Variants in CPS1 observed in about 807,000 individuals in gnomAD.
CPS1 encodes carbamoyl-phosphate synthase [ammonia], mitochondrial.
CPS1 carries 109 observed loss-of-function variants against 174.6 expected under a neutral mutation model. That is an observed-to-expected ratio of 0.62 (90% confidence interval 0.53 to 0.73). The LOEUF (loss-of-function observed/expected upper bound fraction) is 0.73, where lower values mean the gene tolerates loss of function less well. Among genes scored for constraint, CPS1 ranks in the 30% least tolerant of loss-of-function variants. The pLI, the probability that CPS1 is intolerant of heterozygous loss-of-function variation, is 0.00. For synonymous variants in CPS1, 637 were observed against 632.0 expected (o/e 1.01, Z -0.12); for missense variants, 1,689 against 1,821.9 (o/e 0.93, Z 1.33).
intron 1 of CPS1, among the ~76,000 whole-genome samples, chr2:210,515,082 G>T (rs192357289): frequency 8.0e-4 from 121 of 151,754 alleles, no homozygotes; most frequent in African/African-American, 2.6e-3. Context: ...TCAATATGCT[G>T]TTGAATTTGA....
intron 1 of CPS1, among the ~76,000 whole-genome samples, chr2:210,572,598 G>A (rs867096453): frequency 1.4e-4 from 22 of 151,922 alleles, no homozygotes; most frequent in African/African-American, 4.8e-4. Flanking sequence ...AGATTATTAT[G>A]GCAAAGTTAT....
chr2:210,641,372 T>C (rs1700218654), intron 24 of CPS1, among the ~76,000 whole-genome samples: 2 of 152,096 alleles, frequency 1.3e-5, no homozygotes, highest in Admixed American at 1.3e-4. Context: ...GCGATCCTCC[T>C]GCCTCAGCCT....
intron 1 of CPS1, among the ~76,000 whole-genome samples, chr2:210,570,941 A>G (rs1221218865): frequency 4.6e-5 from 7 of 151,878 alleles, no homozygotes; most frequent in Non-Finnish European, 1.0e-4. Flanking sequence ...GAATACTATC[A>G]CTCTTACTTT....
intron 1 of CPS1, among the ~76,000 whole-genome samples, chr2:210,562,973 A>C (rs917493900): frequency 6.6e-6 from 1 of 152,184 alleles, no homozygotes; most frequent in Admixed American, 6.5e-5. Flanking sequence ...AGGAGAAGAA[A>C]CATTTCTGTT....
intron 31 of CPS1, among the ~76,000 whole-genome samples, chr2:210,659,689 A>C (rs1700851702): frequency 6.6e-6 from 1 of 152,256 alleles, no homozygotes; most frequent in African/African-American, 2.4e-5. Flanking sequence ...CTCTCAAAAA[A>C]TACTGTAATT....
At position 210,650,465 on chromosome 2, in the gene CPS1, T is replaced by G. The variant is rs746100332; in HGVS notation, c.3480+27T>G. ...TAGTGTCCAATTTCTTTGTAGTGACTGTTATCTCTTAATAAACATGTAGTG... is the reference window on the plus strand; with the variant it reads ...TAGTGTCCAATTTCTTTGTAGTGACGGTTATCTCTTAATAAACATGTAGTG... On this transcript the variant is annotated intron_variant, in intron 28 of 37. Coordinates refer to ENST00000233072, the MANE Select transcript of CPS1 (RefSeq NM_001875.5). 2.0e-6 allele frequency: 3 copies of G among 1,463,676 alleles called. No individual in the cohort carries two copies. The African/African-American group carries it at 4.2e-5, about 20-fold the overall frequency. 90.7% of individuals were successfully genotyped at this position (1,463,676 alleles called of 1,614,324 possible). A position where few individuals can be genotyped will look rare whatever the true frequency, so the allele number is the denominator to read the frequency against.
chr2:210,487,324 T>C (rs1694758938), intron 1 of CPS1, among the ~76,000 whole-genome samples: 1 of 152,170 alleles, frequency 6.6e-6, no homozygotes, highest in Non-Finnish European at 1.5e-5. Flanking sequence ...GATATTCAGT[T>C]GGAGGACTTG....
At chr2:210,652,151 A>G (rs910642796) in intron 28 of CPS1, among the ~76,000 whole-genome samples, 1 of 152,186 alleles carries the variant, frequency 6.6e-6, no homozygotes, top group South Asian at 2.1e-4. Flanking sequence ...GCATTTATGA[A>G]GGTCTGAAGA....
intron 1 of CPS1, among the ~76,000 whole-genome samples, chr2:210,493,716 T>C (rs979220079): frequency 2.0e-5 from 3 of 152,210 alleles, no homozygotes; most frequent in Non-Finnish European, 4.4e-5. Flanking sequence ...GTAAGTTTCA[T>C]TGGGCAAACA....
intron 1 of CPS1, among the ~76,000 whole-genome samples, chr2:210,502,750 C>T (rs1471835768): frequency 2.0e-5 from 3 of 152,020 alleles, no homozygotes; most frequent in Non-Finnish European, 4.4e-5. Context: ...TTTCACATTG[C>T]TCTAATAAGA....
intron 22 of CPS1, among the ~76,000 whole-genome samples, chr2:210,638,784 G>C (rs191198546): frequency 6.6e-6 from 1 of 152,296 alleles, no homozygotes; most frequent in Admixed American, 6.5e-5. Context: ...AAGCCAAAGA[G>C]ATCCTTACGT....
intron 13 of CPS1, among the ~76,000 whole-genome samples, chr2:210,597,060 G>A (rs1346680738): frequency 1.3e-5 from 2 of 151,842 alleles, no homozygotes; most frequent in Non-Finnish European, 2.9e-5. Context: ...ATCTTTTCCT[G>A]TATAATTTGA....
At position 210,612,417 on chromosome 2, in the gene CPS1, T is replaced by A. The variant is rs1699162581; in HGVS notation, c.2568+124T>A. ...CAGGGATTTTTGGAAAATTTTTAAT[T>A]CTTTTATAGTATTAAACTGGAAACA... is the stretch of plus-strand genomic sequence containing the variant. On this transcript the variant is annotated intron_variant, in intron 20 of 37. Coordinates refer to ENST00000233072, the MANE Select transcript of CPS1 (RefSeq NM_001875.5). 1.1e-5 allele frequency: 10 copies of A among 889,272 alleles called. No homozygotes were observed. The South Asian group carries it at 1.2e-4, about 11-fold the overall frequency. The allele number at this position is 889,272 out of a possible 1,614,324, so 55.1% of individuals were successfully genotyped here. A position where few individuals can be genotyped will look rare whatever the true frequency, so the allele number is the denominator to read the frequency against.
intron 6 of CPS1, among the ~76,000 whole-genome samples, chr2:210,586,488 G>T (rs1002389697): frequency 1.3e-5 from 2 of 151,982 alleles, no homozygotes; most frequent in East Asian, 3.9e-4. Flanking sequence ...GTTTAGTCTA[G>T]CATTTCCTAA....
rs1169393511 is a variant in CPS1, at chr2:210,597,823, C to CATATATATATATATATATATATATAT, written c.1360-1540_1360-1539insTATATATATATATATATATATATATA. On this transcript the variant is annotated intron_variant, in intron 13 of 37. Transcript: ENST00000233072. The stretch of plus-strand genomic sequence containing the variant: ...AATGAGATAGAGCTATGAATACCTT[C>CATATATATATATATATATATATATAT]ATATATATACACACACACACAAACA... Among the ~76,000 whole-genome samples, 40 of 148,430 alleles carry CATATATATATATATATATATATATAT rather than the reference C, an allele frequency of 2.7e-4. 1 individual carries two copies. Among genetic ancestry groups the CATATATATATATATATATATATATAT allele is most frequent in the African/African-American group, 9.8e-4 (38 of 38,682 alleles).
At position 210,648,494 on chromosome 2, in the gene CPS1, A is replaced by G. The variant is rs1383652187; in HGVS notation, c.3358A>G (p.Lys1120Glu). 1.2e-6 allele frequency: 2 copies of G among 1,613,460 alleles called. No homozygotes were observed. The highest frequency in any genetic ancestry group is 1.1e-5 in the South Asian group (1 of 91,074). The stretch of plus-strand genomic sequence containing the variant: ...TTAGAATGAAGCACTGGAATTTGCA[A>G]AGTCTGTGGACTACCCCTGCTTGTT... Reference protein sequence around the residue: ...NTLNEALEFAKSVDYPCLLRP... With the variant: ...NTLNEALEFAESVDYPCLLRP... Residue 1120 changes from lysine (K) to glutamate (E), a missense_variant, in exon 27 of 38, where the codon AAG becomes GAG. Coordinates refer to ENST00000233072, the MANE Select transcript of CPS1 (RefSeq NM_001875.5).
At chr2:210,604,686 A>G (rs1698845521) in intron 16 of CPS1, among the ~76,000 whole-genome samples, 1 of 151,894 alleles carries the variant, frequency 6.6e-6, no homozygotes, top group Non-Finnish European at 1.5e-5. Flanking sequence ...TCACTGTACA[A>G]AGCACCCTCA....
At chr2:210,530,740 T>G (rs1379487076) in intron 1 of CPS1, among the ~76,000 whole-genome samples, 2 of 151,964 alleles carry the variant, frequency 1.3e-5, no homozygotes, top group African/African-American at 4.8e-5. Context: ...GTGCCCCAAC[T>G]TCCATTCACA....
chr2:210,505,826 C>T (rs1695265427), intron 1 of CPS1, among the ~76,000 whole-genome samples: 1 of 152,148 alleles, frequency 6.6e-6, no homozygotes, highest in Non-Finnish European at 1.5e-5. Context: ...TGCAAGGTGG[C>T]AGCGAGGCTG....
Sources: allele counts gnomAD v4.1 joint callset (sites outside exome capture counted in the v4.1 genomes callset), GRCh38; gene constraint gnomAD v4.1.1; transcripts MANE v1.5; gene names NCBI Gene and HGNC (gene_info 2026-07-23, HGNC 2026-07-21).